LUZP2: variants seen among roughly 807,000 people sequenced by gnomAD.
LUZP2 encodes the protein leucine zipper protein 2.
A neutral mutation model predicts 51.6 loss-of-function variants in LUZP2; 52 were observed. That is an observed-to-expected ratio of 1.01 (90% CI 0.81 to 1.27). LUZP2 has a LOEUF of 1.27. Among genes scored for constraint, LUZP2 ranks in the 50% most tolerant of loss-of-function variants. The pLI is 0.00. For missense variants in LUZP2, 436 were observed against 395.4 expected, an observed-to-expected ratio of 1.10 and a Z score of -0.87; for synonymous variants, 154 against 137.3, an observed-to-expected ratio of 1.12 and a Z score of -0.85.
chr11:24,570,785 G>C (rs1852410707), intron 1 of LUZP2, among the ~76,000 whole-genome samples: 1 of 152,000 alleles, frequency 6.6e-6, no homozygotes, highest in African/African-American at 2.4e-5. Context: ...AAGAGGTGGA[G>C]TTCTAAATTT....
At chr11:24,916,983 T>C (rs566610713) in intron 7 of LUZP2, among the ~76,000 whole-genome samples, 11 of 152,156 alleles carry the variant, frequency 7.2e-5, no homozygotes, top group African/African-American at 2.7e-4. Flanking sequence ...CTCCACATCC[T>C]CTCCAGCACC....
chr11:25,008,158 T>C (rs1337253650), intron 9 of LUZP2, among the ~76,000 whole-genome samples: 13 of 152,210 alleles, frequency 8.5e-5, no homozygotes, highest in African/African-American at 2.9e-4. Context: ...ACTCGGCCTA[T>C]TGGGCTGCAC....
intron 7 of LUZP2, among the ~76,000 whole-genome samples, chr11:24,932,675 T>C (rs1854488755): frequency 6.6e-6 from 1 of 152,070 alleles, no homozygotes; most frequent in African/African-American, 2.4e-5. Flanking sequence ...ATCAAATTTA[T>C]ATCCAGGCAG....
At chr11:25,046,012 T>C (rs1176933651) in intron 9 of LUZP2, among the ~76,000 whole-genome samples, 1 of 152,142 alleles carries the variant, frequency 6.6e-6, no homozygotes, top group East Asian at 1.9e-4. Context: ...ATCACAAAAA[T>C]GGTTTTATTG....
intron 1 of LUZP2, among the ~76,000 whole-genome samples, chr11:24,687,456 A>G (rs1232332373): frequency 6.6e-6 from 1 of 152,158 alleles, no homozygotes; most frequent in African/African-American, 2.4e-5. Context: ...CTTGTAATAA[A>G]CCTGTGAGAA....
At chr11:24,739,200 G>T (rs1179309231) in intron 4 of LUZP2, among the ~76,000 whole-genome samples, 1 of 151,980 alleles carries the variant, frequency 6.6e-6, no homozygotes, top group East Asian at 1.9e-4. Flanking sequence ...TGGTTTCTGA[G>T]GCAATGAACA....
intron 9 of LUZP2, among the ~76,000 whole-genome samples, chr11:24,997,242 A>G (rs1315672681): frequency 6.6e-6 from 1 of 151,902 alleles, no homozygotes; most frequent in Non-Finnish European, 1.5e-5. Flanking sequence ...CCAACAGTGT[A>G]AAAGTGTTCC....
chr11:24,836,203 A>G (rs921782536), intron 5 of LUZP2, among the ~76,000 whole-genome samples: 89 of 152,064 alleles, frequency 5.9e-4, no homozygotes, highest in African/African-American at 2.1e-3. Context: ...ATCTGATTTG[A>G]GCAAGTGAGA....
At chr11:24,748,622 G>C (rs1446380695) in intron 4 of LUZP2, among the ~76,000 whole-genome samples, 1 of 152,044 alleles carries the variant, frequency 6.6e-6, no homozygotes, top group Non-Finnish European at 1.5e-5. Context: ...ACCACACCCA[G>C]CTAATTTTGT....
chr11:24,926,544 C>CGTGTATATATGTGTGTGTATATATATAT (rs1854273248), intron 7 of LUZP2, among the ~76,000 whole-genome samples: 1 of 72,066 alleles, frequency 1.4e-5, no homozygotes, highest in Admixed American at 1.4e-4. Context: ...TATATATATA[C>CGTGTATATATGTGTGTGTATATATATAT]GTGTATATAT....
At chr11:24,982,364 C>T (rs1250751237) in intron 8 of LUZP2, among the ~76,000 whole-genome samples, 1 of 151,806 alleles carries the variant, frequency 6.6e-6, no homozygotes, top group African/African-American at 2.4e-5. Context: ...AACCTAAATG[C>T]CCTTCAATGA....
intron 10 of LUZP2, among the ~76,000 whole-genome samples, chr11:25,059,730 A>G (rs1309204414): frequency 1.3e-5 from 2 of 152,194 alleles, no homozygotes; most frequent in African/African-American, 4.8e-5. Context: ...CATAAACACA[A>G]AAGGAGGAGA....
At chr11:25,057,584 A>G (rs1396712816) in intron 10 of LUZP2, among the ~76,000 whole-genome samples, 1 of 152,186 alleles carries the variant, frequency 6.6e-6, no homozygotes, top group Non-Finnish European at 1.5e-5. Flanking sequence ...CATATCAAGA[A>G]TTAAAGACAT....
rs146933512 is a variant in LUZP2, at chr11:24,526,771, C to CT, written c.62+29474dup. Among the ~76,000 whole-genome samples, 1,266 of 151,036 alleles carry CT rather than the reference C, an allele frequency of 8.4e-3. 57 individuals are homozygous for CT. In the East Asian group the frequency reaches 0.13, roughly 16 times the overall value. On this transcript the variant is annotated intron_variant, in intron 1 of 11. Transcript: ENST00000336930. ...TTTCTGTGCTAGACCTTTCTTTGAT[C>CT]TTTTTTTTGGTCCTATTGATACAGA...
intron 1 of LUZP2, among the ~76,000 whole-genome samples, chr11:24,583,437 G>C (rs1035155612): frequency 6.6e-6 from 1 of 152,116 alleles, no homozygotes; most frequent in African/African-American, 2.4e-5. Context: ...TAAGAGCAGG[G>C]ACACTGGGAG....
chr11:24,695,544 C>A (rs1452607680), intron 1 of LUZP2, among the ~76,000 whole-genome samples: 1 of 152,008 alleles, frequency 6.6e-6, no homozygotes, highest in African/African-American at 2.4e-5. Flanking sequence ...CCTTACTACA[C>A]TGTAGTACAC....
At chr11:25,051,624 C>T (rs1858518779) in intron 10 of LUZP2, among the ~76,000 whole-genome samples, 1 of 152,096 alleles carries the variant, frequency 6.6e-6, no homozygotes, top group African/African-American at 2.4e-5. Flanking sequence ...TTACAGCAAT[C>T]ATTGAAGACT....
chr11:24,752,813 A>G (rs770197653), intron 4 of LUZP2, among the ~76,000 whole-genome samples: 1 of 152,154 alleles, frequency 6.6e-6, no homozygotes, highest in Admixed American at 6.5e-5. Context: ...CCAATGTATT[A>G]GAAATCATGA....
At position 24,766,426 on chromosome 11, in the gene LUZP2, A is replaced by G. The variant is rs572251340; in HGVS notation, c.396+3118A>G. ...CTTTTCAAATTTTAAAGAAATTGTT[A>G]TCAATACAAGGACATAAGAAAAAGA... On this transcript the variant is annotated intron_variant, in intron 5 of 11. Transcript: ENST00000336930. Among the ~76,000 whole-genome samples, 846 of 152,322 alleles carry G rather than the reference A, an allele frequency of 5.6e-3. 8 individuals are homozygous for G. Among genetic ancestry groups the G allele is most frequent in the African/African-American group, 0.018 (742 of 41,588 alleles).
Sources: allele counts gnomAD v4.1 joint callset (sites outside exome capture counted in the v4.1 genomes callset), GRCh38; gene constraint gnomAD v4.1.1; transcripts MANE v1.5; gene names NCBI Gene and HGNC (gene_info 2026-07-23, HGNC 2026-07-21).